THRAP3: variants seen among roughly 807,000 people sequenced by gnomAD.
THRAP3 encodes thyroid hormone receptor associated protein 3.
Under a neutral mutation model 101.0 loss-of-function variants are expected in THRAP3, and 16 were observed. That is an observed-to-expected ratio of 0.16 (90% confidence interval 0.11 to 0.24). The LOEUF (loss-of-function observed/expected upper bound fraction) is 0.24. Among genes scored for constraint, THRAP3 ranks in the 10% least tolerant of loss-of-function variants. THRAP3 has a pLI of 1.00. For missense variants in THRAP3, 989 were observed against 1,202.7 expected, an observed-to-expected ratio of 0.82 and a Z score of 2.63; for synonymous variants, 407 against 422.6, an observed-to-expected ratio of 0.96 and a Z score of 0.45.
Position 36,250,834 on chromosome 1 carries a change from C to T in THRAP3, c.-134-8548C>T, listed in dbSNP as rs545984427. On this transcript the variant is annotated intron_variant, in intron 1 of 11. Transcript: ENST00000354618. ...CAATCTCAGCTCACTGCAACCTCCA[C>T]CTCCTGGGCTCAAGCGATTCTTGTG... 4.6e-5 allele frequency among the ~76,000 whole-genome samples: 7 copies of T among 152,186 alleles called. No homozygotes were observed. The South Asian group carries it at 1.5e-3, about 32-fold the overall frequency.
At chr1:36,224,800 C>G (rs1398056519) in intron 1 of THRAP3, among the ~76,000 whole-genome samples, 1 of 152,204 alleles carries the variant, frequency 6.6e-6, no homozygotes, top group African/African-American at 2.4e-5. Flanking sequence ...GGGGCGGCCA[C>G]TCCCTACTCC....
chr1:36,285,930 A>G (rs1645790318), intron 3 of THRAP3, among the ~76,000 whole-genome samples: 1 of 152,142 alleles, frequency 6.6e-6, no homozygotes, highest in African/African-American at 2.4e-5. Flanking sequence ...CATTGTAGAT[A>G]GGGGTCAGAG....
At chr1:36,241,810 C>G (rs1645164732) in intron 1 of THRAP3, 1 of 152,170 alleles carries the variant, frequency 6.6e-6, no homozygotes, top group African/African-American at 2.4e-5. Context: ...AACTCCTGAC[C>G]TCAGGTGATC....
At chr1:36,284,244 G>A (rs1645768416) in intron 3 of THRAP3, among the ~76,000 whole-genome samples, 1 of 152,170 alleles carries the variant, frequency 6.6e-6, no homozygotes, top group Non-Finnish European at 1.5e-5. Flanking sequence ...AAATCATTTG[G>A]CACTTGCTCA....
At chr1:36,217,434 T>C in the THRAP3 span, among the ~76,000 whole-genome samples, 42 of 151,956 alleles carry the variant, frequency 2.8e-4, no homozygotes, top group African/African-American at 9.7e-4. Flanking sequence ...ACTGGAACCT[T>C]GGGGTAAGTT....
chr1:36,259,413 C>T lies in THRAP3; in HGVS notation c.-103C>T. Reference sequence around the variant, plus strand: ...ATGCTGACTTGTAAAGTGAAGAAGCCAGTGGTGCTGCGGGTGTTCTTTTGG... The same window carrying T: ...ATGCTGACTTGTAAAGTGAAGAAGCTAGTGGTGCTGCGGGTGTTCTTTTGG... On this transcript the variant is annotated 5_prime_UTR_variant, in exon 2 of 12. Transcript: ENST00000354618. 1 of 398,612 alleles carries T rather than the reference C, an allele frequency of 2.5e-6. No homozygotes were observed. The highest frequency in any genetic ancestry group is 4.4e-6 in the Non-Finnish European group (1 of 226,062). The allele number at this position is 398,612 out of a possible 1,614,324, so 24.7% of individuals were successfully genotyped here.
intron 2 of THRAP3, among the ~76,000 whole-genome samples, chr1:36,262,601 T>G (rs1009642340): frequency 6.6e-6 from 1 of 152,110 alleles, no homozygotes; most frequent in African/African-American, 2.4e-5. Flanking sequence ...TGTCTGTATA[T>G]CAGTATGGGG....
At chr1:36,238,936 A>G (rs753808560) in intron 1 of THRAP3, among the ~76,000 whole-genome samples, 5 of 150,396 alleles carry the variant, frequency 3.3e-5, no homozygotes, top group Non-Finnish European at 7.4e-5. Context: ...TTGTTTAATT[A>G]TTATTATTAT....
At chr1:36,216,284 C>T in the THRAP3 span, among the ~76,000 whole-genome samples, 8 of 151,940 alleles carry the variant, frequency 5.3e-5, no homozygotes, top group East Asian at 1.6e-3. Flanking sequence ...TTTTGAAAGG[C>T]TGAGGTGGGT....
chr1:36,301,630 T>A lies in THRAP3; in HGVS notation c.2580T>A (p.Phe860Leu). ...ATAACAACAACAGCAACAACGATTT[T>A]CAAAAAAGAAACCGGGAAGAGGAGT... ...GNNNNNSNND[F>L]QKRNREEEWD... Residue 860 changes from phenylalanine (F) to leucine (L), a missense_variant, in exon 11 of 12, where the codon TTT becomes TTA. Coordinates refer to ENST00000354618, the MANE Select transcript of THRAP3 (RefSeq NM_005119.4). The A allele has an allele frequency of 6.2e-7, 1 of 1,614,056 alleles. No homozygotes were observed. Among genetic ancestry groups the A allele is most frequent in the African/African-American group, 1.3e-5 (1 of 74,994 alleles).
At chr1:36,263,964 G>A (rs1032184999) in intron 2 of THRAP3, among the ~76,000 whole-genome samples, 8 of 152,198 alleles carry the variant, frequency 5.3e-5, no homozygotes, top group Non-Finnish European at 1.5e-5. Flanking sequence ...CCTCTTCAGT[G>A]TGACACATGC....
chr1:36,243,715 C>G (rs1325363110), intron 1 of THRAP3, among the ~76,000 whole-genome samples: 1 of 152,208 alleles, frequency 6.6e-6, no homozygotes, highest in Non-Finnish European at 1.5e-5. Context: ...CCGCTGGGCA[C>G]ACCTCCCAGA....
chr1:36,218,414 C>CAA, the THRAP3 span, among the ~76,000 whole-genome samples: 5,427 of 39,954 alleles, frequency 0.14, 397 homozygotes, highest in Non-Finnish European at 0.18. Context: ...GACTCTGTCT[C>CAA]AAAAAAAAAA....
rs1162225748 is a variant in THRAP3, at chr1:36,243,962, G to C, written c.-134-15420G>C. On this transcript the variant is annotated intron_variant, in intron 1 of 11. Transcript: ENST00000354618. ...CTCCCTCCCGGATGGGGCGGCTGGC[G>C]GGCGGGGGGCTGAACCCCCCACCTC... is the stretch of plus-strand genomic sequence containing the variant. Among the ~76,000 whole-genome samples, 22 of 96,262 alleles carry C rather than the reference G, an allele frequency of 2.3e-4. 1 individual carries two copies. Among genetic ancestry groups the C allele is most frequent in the South Asian group, 2.0e-3 (5 of 2,532 alleles). The allele number at this position is 96,262 out of a possible 152,430, so 63.2% of individuals were successfully genotyped here.
intron 1 of THRAP3, among the ~76,000 whole-genome samples, chr1:36,230,410 G>A (rs1027453439): frequency 6.6e-6 from 1 of 151,982 alleles, no homozygotes; most frequent in Non-Finnish European, 1.5e-5. Flanking sequence ...GAGCCACCGC[G>A]CCCAGCCCTG....
chr1:36,303,263 C>G (rs932541479), intron 11 of THRAP3, among the ~76,000 whole-genome samples: 2 of 152,028 alleles, frequency 1.3e-5, no homozygotes, highest in Non-Finnish European at 2.9e-5. Context: ...TGCACCCAGC[C>G]GCATTGCCTC....
the THRAP3 span, among the ~76,000 whole-genome samples, chr1:36,208,571 C>T: frequency 7.2e-5 from 11 of 152,296 alleles, no homozygotes; most frequent in South Asian, 1.9e-3. Flanking sequence ...TGCAAAACAA[C>T]AGAATTATGT....
At chr1:36,239,252 C>T (rs1213136256) in intron 1 of THRAP3, among the ~76,000 whole-genome samples, 1 of 109,944 alleles carries the variant, frequency 9.1e-6, no homozygotes, top group Admixed American at 1.3e-4. Context: ...GTTGCCCAGG[C>T]TGGTCTTTTT....
chr1:36,216,375 C>A, the THRAP3 span, among the ~76,000 whole-genome samples: 2 of 151,004 alleles, frequency 1.3e-5, no homozygotes, highest in Non-Finnish European at 2.9e-5. Flanking sequence ...CAAAAATTAG[C>A]TGTGTTTGGT....
Sources: gnomAD v4.1 joint callset for allele counts (sites outside exome capture counted in the v4.1 genomes callset) on GRCh38, gnomAD v4.1.1 for gene constraint, MANE v1.5 for transcripts, NCBI Gene and HGNC (gene_info 2026-07-23, HGNC 2026-07-21) for gene names.